The following ZNF475 variants were observed in gnomAD, a reference collection of about 807,000 sequenced individuals.
ZNF475 encodes the protein zinc finger protein 475.
the ZNF475 span, chr5:122,182,645 C>A: frequency 6.5e-7 from 1 of 1,533,778 alleles, no homozygotes; most frequent in East Asian, 2.4e-5. Context: ...CCAAGTAAAG[C>A]CCTTTTCTCT....
chr5:122,175,701 T>A, the ZNF475 span, among the ~76,000 whole-genome samples: 25,754 of 152,046 alleles, frequency 0.17, 2,454 homozygotes, highest in African/African-American at 0.24. Context: ...TCTCTAACTT[T>A]TCCTTTTTCC....
the ZNF475 span, among the ~76,000 whole-genome samples, chr5:122,181,065 G>T: frequency 2.0e-5 from 3 of 152,054 alleles, no homozygotes; most frequent in Non-Finnish European, 4.4e-5. Flanking sequence ...GGAATGATTG[G>T]TCTGAAAGCC....
the ZNF475 span, among the ~76,000 whole-genome samples, chr5:122,180,303 T>G: frequency 6.6e-6 from 1 of 152,328 alleles, no homozygotes; most frequent in South Asian, 2.1e-4. Context: ...AGCTGCCCAG[T>G]TCCAGCTGGC....
chr5:122,182,639 G>A, the ZNF475 span: 1 of 1,534,376 alleles, frequency 6.5e-7, no homozygotes, highest in South Asian at 1.2e-5. Flanking sequence ...AAGCCGCCAA[G>A]TAAAGCCCTT....
At chr5:122,179,680 A>G in the ZNF475 span, 1 of 1,534,610 alleles carries the variant, frequency 6.5e-7, no homozygotes, top group Non-Finnish European at 8.7e-7. Flanking sequence ...TTGTTGCCTA[A>G]AGAGTTAAGG....
chr5:122,163,159 C>A, the ZNF475 span: 2 of 100,760 alleles, frequency 2.0e-5, no homozygotes, highest in East Asian at 2.3e-4. Flanking sequence ...CTTCTCCCTG[C>A]CACTTCACAG....
At chr5:122,177,781 A>C in the ZNF475 span, among the ~76,000 whole-genome samples, 1 of 152,074 alleles carries the variant, frequency 6.6e-6, no homozygotes, top group Admixed American at 6.5e-5. Flanking sequence ...GTTCTGGGAT[A>C]CGTGTGCAGA....
the ZNF475 span, among the ~76,000 whole-genome samples, chr5:122,173,903 C>A: frequency 1.2e-4 from 18 of 152,352 alleles, no homozygotes; most frequent in East Asian, 3.3e-3. Context: ...AAAATACTAT[C>A]TATCTGAAAT....
the ZNF475 span, among the ~76,000 whole-genome samples, chr5:122,168,755 A>G: frequency 0.06 from 9,186 of 152,278 alleles, 537 homozygotes; most frequent in African/African-American, 0.14. Context: ...CCCATTTCTT[A>G]ATCTGATTGT....
the ZNF475 span, among the ~76,000 whole-genome samples, chr5:122,176,905 C>G: frequency 6.6e-6 from 1 of 152,126 alleles, no homozygotes; most frequent in Admixed American, 6.5e-5. Flanking sequence ...GATTCTTGTC[C>G]TTTTCTATAT....
the ZNF475 span, among the ~76,000 whole-genome samples, chr5:122,166,607 C>T: frequency 2.0e-5 from 3 of 151,124 alleles, no homozygotes; most frequent in African/African-American, 4.9e-5. Context: ...GTTTTCTGTC[C>T]TTGTGATTGC....
At chr5:122,164,574 C>T in the ZNF475 span, among the ~76,000 whole-genome samples, 4,786 of 152,172 alleles carry the variant, frequency 0.031, 256 homozygotes, top group African/African-American at 0.11. Context: ...CACTTCATAC[C>T]TGAGCATAGG....
chr5:122,162,643 C>T, the ZNF475 span, among the ~76,000 whole-genome samples: 965 of 152,010 alleles, frequency 6.3e-3, 7 homozygotes, highest in African/African-American at 0.022. Context: ...TCTCTGGTGG[C>T]CTCGCCTCAT....
chr5:122,160,256 C>T, the ZNF475 span: 1 of 1,289,800 alleles, frequency 7.8e-7, no homozygotes, highest in Non-Finnish European at 1.0e-6. Flanking sequence ...CAGACCACAA[C>T]ACTAAGGTAA....
At chr5:122,178,917 G>C in the ZNF475 span, among the ~76,000 whole-genome samples, 1 of 152,132 alleles carries the variant, frequency 6.6e-6, no homozygotes, top group African/African-American at 2.4e-5. Flanking sequence ...TTTGTATAAG[G>C]TGTAAGGAAG....
chr5:122,179,697 G>C, the ZNF475 span: 1 of 1,526,892 alleles, frequency 6.5e-7, no homozygotes, highest in Non-Finnish European at 8.7e-7. Context: ...AAGGAGACCA[G>C]TACCTAAAAA....
chr5:122,182,441 G>A, the ZNF475 span: 1 of 1,374,844 alleles, frequency 7.3e-7, no homozygotes, highest in African/African-American at 1.5e-5. Flanking sequence ...TTTTGTTTTT[G>A]GTATTTTTTT....
the ZNF475 span, among the ~76,000 whole-genome samples, chr5:122,167,720 G>A: frequency 6.6e-5 from 10 of 152,126 alleles, no homozygotes; most frequent in Non-Finnish European, 1.5e-5. Flanking sequence ...GAATTTTGAT[G>A]GTTTTAGAAA....
At chr5:122,172,118 T>C in the ZNF475 span, among the ~76,000 whole-genome samples, 2 of 152,222 alleles carry the variant, frequency 1.3e-5, no homozygotes, top group African/African-American at 4.8e-5. Context: ...TCACAATCTC[T>C]ATATTTTTTA....
Sources: gnomAD v4.1 joint callset for allele counts (sites outside exome capture counted in the v4.1 genomes callset) on GRCh38, gnomAD v4.1.1 for gene constraint, MANE v1.5 for transcripts, NCBI Gene and HGNC (gene_info 2026-07-23, HGNC 2026-07-21) for gene names.